Variants in KANK1 observed in about 807,000 individuals in gnomAD.
KANK1 encodes the protein KN motif and ankyrin repeat domains 1.
In KANK1, 109 loss-of-function variants were observed where a neutral mutation model predicts 106.2. That is an observed-to-expected ratio of 1.03 (90% CI 0.88 to 1.20). The LOEUF is 1.20. KANK1 is among the 50% of genes most tolerant of loss of function. The pLI, the probability that KANK1 is intolerant of heterozygous loss-of-function variation, is 0.00. For missense variants in KANK1, 2,399 were observed against 1,710.7 expected (o/e 1.40, Z -7.10); for synonymous variants, 873 against 652.2 (o/e 1.34, Z -5.16).
At chr9:496,875 T>C (rs2058465897) in intron 3 of KANK1, among the ~76,000 whole-genome samples, 1 of 152,178 alleles carries the variant, frequency 6.6e-6, no homozygotes, top group South Asian at 2.1e-4. Flanking sequence ...ATCCCTCTAC[T>C]TAGGATCCTA....
At position 712,590 on chromosome 9, in the gene KANK1, G is replaced by A; in HGVS notation, c.1824G>A (p.Glu608=). Residue 608 remains glutamate, a synonymous_variant, in exon 3 of 12, where the codon GAG becomes GAA. Coordinates refer to ENST00000382297, the MANE Select transcript of KANK1 (RefSeq NM_015158.5). The part of the protein sequence containing the change: ...SVCETGSNTE[E]SVNDLTLLKT... The stretch of plus-strand genomic sequence containing the variant: ...GCGAAACAGGCAGCAACACAGAGGA[G>A]TCTGTGAACGACCTCACACTCCTCA... 6.2e-7 allele frequency: 1 copy of A among 1,614,030 alleles called. No individual in the cohort carries two copies.
intron 3 of KANK1, among the ~76,000 whole-genome samples, chr9:473,993 A>G (rs1969984): frequency 0.084 from 12,737 of 152,158 alleles, 1,809 homozygotes; most frequent in African/African-American, 0.29. Flanking sequence ...CCAGTGTGCC[A>G]GCCAAGAATT....
intron 1 of KANK1, among the ~76,000 whole-genome samples, chr9:567,359 TA>T (rs1461197785): frequency 6.6e-6 from 1 of 152,228 alleles, no homozygotes; most frequent in African/African-American, 2.4e-5. Flanking sequence ...CTCATAACCC[TA>T]ACCTTGTGGT....
intron 1 of KANK1, among the ~76,000 whole-genome samples, chr9:645,394 C>A (rs1276453282): frequency 2.4e-5 from 3 of 124,150 alleles, no homozygotes; most frequent in Non-Finnish European, 4.7e-5. Context: ...GATCCAAGAT[C>A]ATACCACTAC....
At chr9:650,924 C>T (rs1027256574) in intron 1 of KANK1, among the ~76,000 whole-genome samples, 1 of 151,920 alleles carries the variant, frequency 6.6e-6, no homozygotes, top group African/African-American at 2.4e-5. Context: ...AAGAAATGCA[C>T]AAAGGAGAGT....
intron 2 of KANK1, among the ~76,000 whole-genome samples, chr9:695,022 C>G (rs1820892839): frequency 6.6e-6 from 1 of 152,166 alleles, no homozygotes; most frequent in African/African-American, 2.4e-5. Flanking sequence ...TCCACTGACC[C>G]CCCTCATTTT....
At chr9:603,804 A>G (rs1378928049) in intron 1 of KANK1, among the ~76,000 whole-genome samples, 1 of 151,432 alleles carries the variant, frequency 6.6e-6, no homozygotes, top group Non-Finnish European at 1.5e-5. Flanking sequence ...TACTAAAAAT[A>G]CAAAAATTAG....
At chr9:718,298 C>CTTTTTTTTTTT (rs60145502) in intron 3 of KANK1, among the ~76,000 whole-genome samples, 2 of 74,088 alleles carry the variant, frequency 2.7e-5, no homozygotes, top group Non-Finnish European at 4.9e-5. Context: ...CTTGCTGTGT[C>CTTTTTTTTTTT]TTTTTTTTTT....
At chr9:707,007 A>G in intron 2 of KANK1, 1 of 985,466 alleles carries the variant, frequency 1.0e-6, no homozygotes, top group Non-Finnish European at 1.2e-6. Flanking sequence ...GTTTTCATTA[A>G]GAAAACAGGG....
At chr9:667,961 C>T (rs1429090310) in intron 1 of KANK1, among the ~76,000 whole-genome samples, 1 of 152,064 alleles carries the variant, frequency 6.6e-6, no homozygotes, top group Non-Finnish European at 1.5e-5. Context: ...GAACTCCTGA[C>T]ATCAGATGAT....
intron 2 of KANK1, among the ~76,000 whole-genome samples, chr9:681,549 A>T (rs557439895): frequency 3.0e-4 from 46 of 152,344 alleles, no homozygotes; most frequent in African/African-American, 1.1e-3. Flanking sequence ...AAAGAAAGAT[A>T]ATAATAGCTA....
chr9:502,427 G>A (rs951269641), upstream of KANK1, among the ~76,000 whole-genome samples: 2 of 152,068 alleles, frequency 1.3e-5, no homozygotes, highest in East Asian at 3.9e-4. Context: ...TGATTGATTC[G>A]TTTTGCTTAC....
intron 1 of KANK1, among the ~76,000 whole-genome samples, chr9:608,162 C>T (rs1380650100): frequency 1.3e-5 from 2 of 149,036 alleles, no homozygotes; most frequent in Admixed American, 6.6e-5. Flanking sequence ...CTCAGCCTCC[C>T]GAGTAGCTGG....
intron 1 of KANK1, among the ~76,000 whole-genome samples, chr9:537,166 C>T (rs548812115): frequency 6.6e-6 from 1 of 152,296 alleles, no homozygotes; most frequent in South Asian, 2.1e-4. Context: ...ACCTCCTAAA[C>T]AACTCTTTTT....
At chr9:663,922 A>G (rs571896794) in intron 1 of KANK1, among the ~76,000 whole-genome samples, 1 of 152,292 alleles carries the variant, frequency 6.6e-6, no homozygotes, top group African/African-American at 2.4e-5. Context: ...TTGGGACACA[A>G]GGAGGCAGAT....
upstream of KANK1, among the ~76,000 whole-genome samples, chr9:504,047 C>T (rs12002676): frequency 6.6e-6 from 1 of 152,148 alleles, no homozygotes; most frequent in Non-Finnish European, 1.5e-5. Context: ...GCCGCCGGGG[C>T]GACCGTGCTG....
At chr9:683,578 C>T (rs1817983599) in intron 2 of KANK1, among the ~76,000 whole-genome samples, 1 of 152,114 alleles carries the variant, frequency 6.6e-6, no homozygotes, top group East Asian at 1.9e-4. Flanking sequence ...CATTTAAAAT[C>T]AGAAGTGTGA....
At chr9:654,808 T>A (rs1413674299) in intron 1 of KANK1, among the ~76,000 whole-genome samples, 1 of 97,774 alleles carries the variant, frequency 1.0e-5, no homozygotes, top group South Asian at 4.9e-4. Context: ...TTTGTGTGTG[T>A]GTGTGTGAGA....
At chr9:609,928 A>T (rs1428743459) in intron 1 of KANK1, among the ~76,000 whole-genome samples, 1 of 152,110 alleles carries the variant, frequency 6.6e-6, no homozygotes, top group African/African-American at 2.4e-5. Flanking sequence ...TTTCTTATAC[A>T]TATATTTATG....
Sources: allele counts gnomAD v4.1 joint callset (sites outside exome capture counted in the v4.1 genomes callset), GRCh38; gene constraint gnomAD v4.1.1; transcripts MANE v1.5; gene names NCBI Gene and HGNC (gene_info 2026-07-23, HGNC 2026-07-21).